The following RAPGEF6 variants were observed in gnomAD, a reference collection of about 807,000 sequenced individuals.
The protein encoded by RAPGEF6 is PDZ domain containing guanine nucleotide exchange factor (GEF) 2.
RAPGEF6 carries 56 observed loss-of-function variants against 171.4 expected under a neutral mutation model. That is an observed-to-expected ratio of 0.33 (90% confidence interval 0.26 to 0.41). The LOEUF (loss-of-function observed/expected upper bound fraction) is 0.41. RAPGEF6 is among the 10% of genes least tolerant of loss of function. RAPGEF6 has a pLI of 1.00. For missense variants in RAPGEF6, 1,674 were observed against 1,921.4 expected, an observed-to-expected ratio of 0.87 and a Z score of 2.41; for synonymous variants, 692 against 650.1, an observed-to-expected ratio of 1.06 and a Z score of -0.98.
chr5:131,574,704 C>A (rs886786469), intron 4 of RAPGEF6, among the ~76,000 whole-genome samples: 5 of 152,022 alleles, frequency 3.3e-5, no homozygotes, highest in Admixed American at 2.6e-4. Flanking sequence ...GCCCTTTTAC[C>A]CGATTCAAGG....
rs1425811612 is a variant in RAPGEF6 at position 131,455,826 on chromosome 5, C to A, written c.3051G>T (p.Lys1017Asn). 6.2e-7 allele frequency: 1 copy of A among 1,612,948 alleles called. No homozygotes were observed. Among genetic ancestry groups the A allele is most frequent in the Non-Finnish European group, 8.5e-7 (1 of 1,179,166 alleles). Residue 1017 changes from lysine (K) to asparagine (N), a missense_variant, in exon 20 of 28, where the codon AAG becomes AAT. By Grantham distance (94) the Lys-to-Asn change is moderately conservative. Around this residue, in one of 3 missense-constraint regions of RAPGEF6, gnomAD observed 1,116 missense variants for 1,321.5 expected, o/e 0.84. Coordinates refer to ENST00000509018, the MANE Select transcript of RAPGEF6 (RefSeq NM_016340.6). ...CTTCATGTAGAAATGTCATATCTTTCTTGACAACAGGGAAGAGTGGAATAA... is the reference window on the plus strand; with the variant it reads ...CTTCATGTAGAAATGTCATATCTTTATTGACAACAGGGAAGAGTGGAATAA... ...PPIIPLFPVV[K>N]KDMTFLHEGN...
chr5:131,501,267 C>G (rs898895892), intron 11 of RAPGEF6, among the ~76,000 whole-genome samples: 6 of 150,698 alleles, frequency 4.0e-5, no homozygotes, highest in African/African-American at 1.5e-4. Context: ...ACCCAGGAGG[C>G]AGAGGTTGCA....
intron 6 of RAPGEF6, among the ~76,000 whole-genome samples, chr5:131,527,300 C>CA (rs1295348679): frequency 6.6e-6 from 1 of 151,006 alleles, no homozygotes; most frequent in Non-Finnish European, 1.5e-5. Flanking sequence ...ACAACAACAA[C>CA]AACAAAAAAA....
chr5:131,531,217 A>G (rs1759347008), intron 6 of RAPGEF6, among the ~76,000 whole-genome samples: 1 of 152,222 alleles, frequency 6.6e-6, no homozygotes, highest in Non-Finnish European at 1.5e-5. Flanking sequence ...ACATGATTTC[A>G]GACCATACTA....
chr5:131,492,861 T>C lies in RAPGEF6; in HGVS notation c.1528-76A>G. 2.2e-6 allele frequency: 3 copies of C among 1,368,804 alleles called. No homozygotes were observed. The Admixed American group carries it at 5.9e-5, about 27-fold the overall frequency. 84.8% of individuals were successfully genotyped at this position (1,368,804 alleles called of 1,614,324 possible). A position where few individuals can be genotyped will look rare whatever the true frequency, so the allele number is the denominator to read the frequency against. The stretch of plus-strand genomic sequence containing the variant: ...TTTTTAAAAAGTCAACGAAAATTAT[T>C]AGAATTAGAGTTATAAATATACATG... On this transcript the variant is annotated intron_variant, in intron 13 of 27. Coordinates refer to ENST00000509018, the MANE Select transcript of RAPGEF6 (RefSeq NM_016340.6).
intron 25 of RAPGEF6, among the ~76,000 whole-genome samples, chr5:131,432,113 T>C (rs1561459219): frequency 6.6e-6 from 1 of 152,108 alleles, no homozygotes; most frequent in Admixed American, 6.5e-5. Flanking sequence ...AGTTCTGTTT[T>C]TTAACCTTTT....
intron 19 of RAPGEF6, 104 bp from the exon 20 acceptor site, chr5:131,456,116 G>T: frequency 2.7e-6 from 2 of 741,648 alleles, no homozygotes; most frequent in Non-Finnish European, 4.3e-6. Context: ...AAATAAGCAG[G>T]GACATATTTT....
intron 19 of RAPGEF6, among the ~76,000 whole-genome samples, chr5:131,460,261 G>C (rs544249907): frequency 6.4e-4 from 98 of 152,086 alleles, no homozygotes; most frequent in African/African-American, 2.2e-3. Context: ...TCTTTCATTG[G>C]CTTTGATGAC....
At chr5:131,440,299 G>T in intron 23 of RAPGEF6, 1 of 452,456 alleles carries the variant, frequency 2.2e-6, no homozygotes, top group South Asian at 1.6e-5. Flanking sequence ...ACAGTGGAAC[G>T]ATTCCTTACA....
intron 1 of RAPGEF6, among the ~76,000 whole-genome samples, chr5:131,623,156 T>C (rs755555108): frequency 2.0e-5 from 3 of 152,350 alleles, no homozygotes; most frequent in South Asian, 2.1e-4. Context: ...TTTTGAATCA[T>C]CTGGTGAAAG....
chr5:131,592,530 C>T (rs946298761), intron 3 of RAPGEF6, 64 bp from the exon 4 acceptor site: 1 of 1,546,648 alleles, frequency 6.5e-7, no homozygotes, highest in Non-Finnish European at 8.7e-7. Flanking sequence ...TATATGAATT[C>T]AATAAGAAAT....
At chr5:131,524,677 G>C (rs1383717653) in intron 6 of RAPGEF6, among the ~76,000 whole-genome samples, 2 of 151,786 alleles carry the variant, frequency 1.3e-5, no homozygotes, top group Non-Finnish European at 2.9e-5. Flanking sequence ...GTGCAGCGGC[G>C]CAATCTCGGC....
At chr5:131,527,198 C>T (rs1311487308) in intron 6 of RAPGEF6, among the ~76,000 whole-genome samples, 2 of 152,058 alleles carry the variant, frequency 1.3e-5, no homozygotes, top group African/African-American at 2.4e-5. Flanking sequence ...CCTTAGTATA[C>T]AGAGACTCAG....
chr5:131,524,852 G>C (rs1041250032), intron 6 of RAPGEF6, among the ~76,000 whole-genome samples: 1 of 152,174 alleles, frequency 6.6e-6, no homozygotes. Flanking sequence ...TTGACCTCAT[G>C]TAATCTGCCT....
intron 1 of RAPGEF6, among the ~76,000 whole-genome samples, chr5:131,618,503 T>C (rs1270381860): frequency 6.6e-6 from 1 of 152,024 alleles, no homozygotes; most frequent in Non-Finnish European, 1.5e-5. Flanking sequence ...CCGGGTGTGA[T>C]GGCACATGCC....
chr5:131,598,887 G>T (rs981432620), intron 3 of RAPGEF6, among the ~76,000 whole-genome samples: 1 of 152,178 alleles, frequency 6.6e-6, no homozygotes, highest in African/African-American at 2.4e-5. Context: ...TGTGGAAATT[G>T]ACAAGCTGAT....
intron 4 of RAPGEF6, among the ~76,000 whole-genome samples, chr5:131,563,493 C>G (rs1761735653): frequency 6.6e-6 from 1 of 151,930 alleles, no homozygotes; most frequent in Non-Finnish European, 1.5e-5. Flanking sequence ...TGAACATAAC[C>G]AAAAAATCAC....
intron 6 of RAPGEF6, 82 bp from the exon 7 acceptor site, chr5:131,521,603 A>G (rs1482554428): frequency 1.5e-6 from 2 of 1,321,024 alleles, no homozygotes; most frequent in East Asian, 2.6e-5. Flanking sequence ...ACAAATTTTT[A>G]TGTACATTAC....
At chr5:131,630,870 G>T (rs1158016154) in intron 1 of RAPGEF6, among the ~76,000 whole-genome samples, 3 of 152,174 alleles carry the variant, frequency 2.0e-5, no homozygotes, top group Non-Finnish European at 4.4e-5. Flanking sequence ...TCATCCCTTT[G>T]TATATTTTTC....
Sources: gnomAD v4.1 joint callset for allele counts (sites outside exome capture counted in the v4.1 genomes callset) on GRCh38, gnomAD v4.1.1 for gene constraint, gnomAD v4.1.1 regional missense constraint, MANE v1.5 for transcripts, NCBI Gene and HGNC (gene_info 2026-07-23, HGNC 2026-07-21) for gene names.